RHPN2: variants seen among roughly 807,000 people sequenced by gnomAD.
The protein encoded by RHPN2 is rhophilin-2.
In RHPN2, 40 loss-of-function variants were observed where a neutral mutation model predicts 79.0. The ratio of observed to expected loss-of-function variants is 0.51; its 90% CI spans 0.39 to 0.66. RHPN2 has a LOEUF of 0.66. RHPN2 is among the 30% of genes least tolerant of loss of function. The probability of loss-of-function intolerance (pLI) is 0.00; values close to 1 mark genes in which losing one functional copy is unlikely to be tolerated. For synonymous variants in RHPN2, 285 were observed against 363.5 expected, an observed-to-expected ratio of 0.78 and a Z score of 2.46; for missense variants, 686 against 883.5, an observed-to-expected ratio of 0.78 and a Z score of 2.83.
intron 1 of RHPN2, among the ~76,000 whole-genome samples, chr19:33,051,972 C>CA (rs1972191973): frequency 7.5e-6 from 1 of 133,112 alleles, no homozygotes; most frequent in African/African-American, 3.0e-5. Context: ...GCCTGGGTGA[C>CA]AGAGTGAGAC....
intron 2 of RHPN2, among the ~76,000 whole-genome samples, chr19:33,035,487 G>A (rs1311524550): frequency 6.6e-6 from 1 of 152,194 alleles, no homozygotes; most frequent in Non-Finnish European, 1.5e-5. Flanking sequence ...CTTTGAAACT[G>A]TTGGCAGCCA....
At chr19:33,008,933 C>G (rs892335635) in intron 6 of RHPN2, among the ~76,000 whole-genome samples, 1 of 152,052 alleles carries the variant, frequency 6.6e-6, no homozygotes, top group Non-Finnish European at 1.5e-5. Flanking sequence ...TATTACTCAG[C>G]ACTAAAAATG....
At chr19:33,043,987 C>A (rs190338067) in intron 2 of RHPN2, among the ~76,000 whole-genome samples, 1 of 152,280 alleles carries the variant, frequency 6.6e-6, no homozygotes, top group East Asian at 1.9e-4. Context: ...AAAAATTGGG[C>A]TTCCCATCAA....
chr19:33,030,910 C>G (rs895406733), intron 2 of RHPN2, among the ~76,000 whole-genome samples: 2 of 152,192 alleles, frequency 1.3e-5, no homozygotes, highest in Non-Finnish European at 2.9e-5. Flanking sequence ...AGTCACACAT[C>G]CTGGGAGAGA....
chr19:32,985,878 G>A (rs535481601), intron 14 of RHPN2, among the ~76,000 whole-genome samples: 6 of 152,216 alleles, frequency 3.9e-5, no homozygotes, highest in East Asian at 1.9e-4. Flanking sequence ...GTGATCCGCC[G>A]GCCTTGGCCT....
intron 1 of RHPN2, chr19:33,051,602 GC>G: frequency 5.5e-6 from 1 of 180,454 alleles, no homozygotes; most frequent in Non-Finnish European, 1.3e-5. Context: ...CTAAATGTGT[GC>G]CCAGAGAAAA....
chr19:32,996,127 T>C lies in RHPN2; in HGVS notation c.1319A>G (p.Gln440Arg), dbSNP rs897511244. The change falls in exon 11 of 15, where the codon CAG (glutamine) becomes CGG (arginine). Residue 440 changes from glutamine to arginine, a missense_variant. Transcript: ENST00000254260. Reference protein sequence around the residue: ...CKKLRSIEVLQKVLCAAQERS... With the variant: ...CKKLRSIEVLRKVLCAAQERS... ...TTCCTGTGCGGCACACAGCACCTTCTGTAGCACCTCAATGCTCCGCAGCTT... is the reference window on the plus strand; with the variant it reads ...TTCCTGTGCGGCACACAGCACCTTCCGTAGCACCTCAATGCTCCGCAGCTT... 2 of 1,614,158 alleles carry C rather than the reference T, an allele frequency of 1.2e-6. No individual in the cohort carries two copies. Among genetic ancestry groups the C allele is most frequent in the South Asian group, 1.1e-5 (1 of 91,084 alleles).
At chr19:32,987,867 C>T (rs1971623277) in intron 14 of RHPN2, among the ~76,000 whole-genome samples, 1 of 152,140 alleles carries the variant, frequency 6.6e-6, no homozygotes, top group Non-Finnish European at 1.5e-5. Context: ...ACCTCCCTCA[C>T]ACCCATTACC....
intron 6 of RHPN2, among the ~76,000 whole-genome samples, chr19:33,009,358 A>G (rs1719301328): frequency 6.6e-6 from 1 of 152,120 alleles, no homozygotes; most frequent in Non-Finnish European, 1.5e-5. Flanking sequence ...TGGGAGGCCA[A>G]GGCGGTATGG....
intron 12 of RHPN2, among the ~76,000 whole-genome samples, chr19:32,992,353 G>C (rs1230444520): frequency 6.6e-6 from 1 of 151,990 alleles, no homozygotes. Flanking sequence ...ACCATGCCTG[G>C]CTAATTTTTG....
chr19:33,010,167 C>T (rs1270610874), intron 6 of RHPN2, among the ~76,000 whole-genome samples: 1 of 152,172 alleles, frequency 6.6e-6, no homozygotes, highest in Non-Finnish European at 1.5e-5. Flanking sequence ...CCACCTTTCG[C>T]CTTTTCGGCC....
intron 3 of RHPN2, among the ~76,000 whole-genome samples, chr19:33,024,963 G>T (rs977519839): frequency 2.6e-5 from 4 of 151,974 alleles, no homozygotes; most frequent in African/African-American, 9.7e-5. Flanking sequence ...TGTTGCCCAG[G>T]CTGGCCTTGA....
At chr19:33,011,952 G>A (rs2145238357) in intron 5 of RHPN2, 149 bp from the exon 6 acceptor site, 1 of 1,034,584 alleles carries the variant, frequency 9.7e-7, no homozygotes, top group Non-Finnish European at 1.4e-6. Flanking sequence ...CTCTGGGAGG[G>A]GTGGAAAGAA....
chr19:33,064,129 A>G (rs1288348236), intron 1 of RHPN2, among the ~76,000 whole-genome samples: 1 of 151,892 alleles, frequency 6.6e-6, no homozygotes, highest in Non-Finnish European at 1.5e-5. Flanking sequence ...GGATCCCTTG[A>G]GCCCAAGAGT....
intron 7 of RHPN2, among the ~76,000 whole-genome samples, chr19:33,003,391 C>G (rs1460179591): frequency 1.6e-5 from 2 of 122,304 alleles, no homozygotes; most frequent in Non-Finnish European, 3.5e-5. Context: ...AAGGAAAAGA[C>G]AGGAGAAAAA....
At chr19:33,023,838 A>G (rs1011094977) in intron 3 of RHPN2, among the ~76,000 whole-genome samples, 12 of 151,958 alleles carry the variant, frequency 7.9e-5, no homozygotes, top group Admixed American at 2.6e-4. Flanking sequence ...ACCCAAATGC[A>G]TGGTGCCGTG....
In RHPN2 at chr19:32,993,999, A is replaced by G; in HGVS notation, c.1475T>C (p.Val492Ala). The G allele has an allele frequency of 6.2e-7, 1 of 1,613,246 alleles. No homozygotes were observed. The highest frequency in any genetic ancestry group is 8.5e-7 in the Non-Finnish European group (1 of 1,179,234). The change falls in exon 12 of 15, where the codon GTC becomes GCC. Residue 492 changes from valine to alanine, a missense_variant. Physicochemically the swap from Val to Ala is moderately conservative, Grantham distance 64. Transcript: ENST00000254260. ...TACCAGCTTCTGGAAGAAGTCCGTGACTGTCAGCTTGGAGAACTGGGGCAA... is the reference window on the plus strand; with the variant it reads ...TACCAGCTTCTGGAAGAAGTCCGTGGCTGTCAGCTTGGAGAACTGGGGCAA... The part of the protein sequence containing the change: ...IILPQFSKLT[V>A]TDFFQKLGPL...
intron 6 of RHPN2, 87 bp from the exon 7 acceptor site, chr19:33,008,267 TA>T: frequency 2.6e-6 from 3 of 1,165,348 alleles, no homozygotes; most frequent in African/African-American, 3.1e-5. Context: ...TTTTTTTTTT[TA>T]AGAGTCAATA....
intron 2 of RHPN2, chr19:33,027,138 T>C (rs1971974796): frequency 1.3e-5 from 3 of 224,194 alleles, no homozygotes; most frequent in African/African-American, 4.5e-5. Flanking sequence ...TGCATGCCTG[T>C]AGTCCCAGCT....
Sources: gnomAD v4.1 joint callset for allele counts (sites outside exome capture counted in the v4.1 genomes callset) on GRCh38, gnomAD v4.1.1 for gene constraint, MANE v1.5 for transcripts, NCBI Gene and HGNC (gene_info 2026-07-23, HGNC 2026-07-21) for gene names.